PSME4: variants seen among roughly 807,000 people sequenced by gnomAD.
PSME4 encodes the protein proteasome activator subunit 4.
In PSME4, 89 loss-of-function variants were observed where a neutral mutation model predicts 253.9. The ratio of observed to expected loss-of-function variants is 0.35; its 90% CI spans 0.30 to 0.42. PSME4 has a LOEUF of 0.42. Ranked by LOEUF, PSME4 falls within the 10% of genes least tolerant of loss-of-function variation. The pLI is 1.00. For synonymous variants in PSME4, 851 were observed against 759.2 expected, an observed-to-expected ratio of 1.12 and a Z score of -1.99; for missense variants, 2,014 against 2,195.2, an observed-to-expected ratio of 0.92 and a Z score of 1.65.
chr2:53,911,595 C>G (rs905923514), intron 20 of PSME4, among the ~76,000 whole-genome samples: 7 of 152,034 alleles, frequency 4.6e-5, no homozygotes, highest in Non-Finnish European at 7.4e-5. Flanking sequence ...ACCCTCCCCC[C>G]GCCCACTGTT....
chr2:53,934,888 A>T (rs1669032253), intron 7 of PSME4, among the ~76,000 whole-genome samples, 161 bp from the exon 8 acceptor site: 1 of 152,238 alleles, frequency 6.6e-6, no homozygotes. Flanking sequence ...TATTCTTCAA[A>T]AATTACATAT....
chr2:53,937,579 G>C, intron 4 of PSME4, 39 bp from the exon 5 acceptor site: 1 of 1,582,972 alleles, frequency 6.3e-7, no homozygotes, highest in Non-Finnish European at 8.6e-7. Context: ...CTGATTATTG[G>C]CTAAAAGCTC....
intron 34 of PSME4, 23 bp downstream of exon 34, chr2:53,894,984 C>T: frequency 6.3e-7 from 1 of 1,594,622 alleles, no homozygotes; most frequent in South Asian, 1.1e-5. Context: ...TGCATTTGAA[C>T]CATGGTGAAA....
At chr2:53,931,559 G>C (rs992475812) in intron 10 of PSME4, among the ~76,000 whole-genome samples, 14 of 152,118 alleles carry the variant, frequency 9.2e-5, no homozygotes, top group Admixed American at 2.0e-4. Flanking sequence ...ATCTAAAAAG[G>C]AAGGCCAGAT....
At chr2:53,965,341 C>G (rs1354158204) in intron 1 of PSME4, among the ~76,000 whole-genome samples, 5 of 151,716 alleles carry the variant, frequency 3.3e-5, no homozygotes, top group Admixed American at 3.3e-4. Flanking sequence ...CTCTGCCTCC[C>G]AGGTTCAAGC....
In PSME4 at chr2:53,869,408, G is replaced by A. The variant is rs770477177; in HGVS notation, c.5231C>T (p.Pro1744Leu). The A allele has an allele frequency of 3.1e-6, 5 of 1,611,114 alleles. No homozygotes were observed. Among genetic ancestry groups the A allele is most frequent in the South Asian group, 1.1e-5 (1 of 90,630 alleles). Residue 1744 changes from proline (P) to leucine (L), a missense_variant, in exon 44 of 47, where the codon CCT becomes CTT. By Grantham distance (98) the Pro-to-Leu change is moderately conservative (BLOSUM62 -3). Coordinates refer to ENST00000404125, the MANE Select transcript of PSME4 (RefSeq NM_014614.3). Reference protein sequence around the residue: ...TKLPKKRKRDPGSVGDTIPSA... With the variant: ...TKLPKKRKRDLGSVGDTIPSA... ...AGGAATGGTATCTCCTACAGAACCA[G>A]GGTCTCGCTTTCTTTTCTTAGGTAG...
At chr2:53,957,609 G>C (rs1573375074) in intron 1 of PSME4, among the ~76,000 whole-genome samples, 1 of 152,180 alleles carries the variant, frequency 6.6e-6, no homozygotes, top group East Asian at 1.9e-4. Context: ...GCTCAGTACA[G>C]TTACTTACAG....
At chr2:53,960,012 C>T (rs1164103223) in intron 1 of PSME4, among the ~76,000 whole-genome samples, 1 of 152,156 alleles carries the variant, frequency 6.6e-6, no homozygotes, top group East Asian at 1.9e-4. Flanking sequence ...ATTAAGTGGT[C>T]ATTGACTTTG....
In PSME4 at chr2:53,943,252, T is replaced by G. The variant is rs146966693; in HGVS notation, c.501-3252A>C. On this transcript the variant is annotated intron_variant, in intron 3 of 46. Coordinates refer to ENST00000404125, the MANE Select transcript of PSME4 (RefSeq NM_014614.3). ...TTTGCTTTTTCATAAATGAACTGGT[T>G]TTAACTGTAATGATGGACTATTCTG... Among the ~76,000 whole-genome samples the G allele has an allele frequency of 7.2e-5, 11 of 152,362 alleles. No individual in the cohort carries two copies. In the East Asian group the frequency reaches 9.6e-4, roughly 13 times the overall value.
chr2:53,940,758 A>T (rs570504904), intron 3 of PSME4, among the ~76,000 whole-genome samples: 1 of 150,466 alleles, frequency 6.6e-6, no homozygotes, highest in South Asian at 2.1e-4. Flanking sequence ...GGAGCACTAG[A>T]TAATTTTGAG....
intron 21 of PSME4, 125 bp from the exon 22 acceptor site, chr2:53,908,965 C>T (rs1259143311): frequency 1.6e-6 from 1 of 644,406 alleles, no homozygotes; most frequent in Admixed American, 2.9e-5. Context: ...TCTGCCTTTA[C>T]CATAGTTGAA....
chr2:53,869,721 T>A (rs1558639631), intron 43 of PSME4, 183 bp from the exon 44 acceptor site: 3 of 422,080 alleles, frequency 7.1e-6, no homozygotes, highest in Admixed American at 7.7e-5. Context: ...TGTGGCCTCA[T>A]AATGGATAAA....
At chr2:53,956,311 C>T (rs1357817334) in intron 1 of PSME4, among the ~76,000 whole-genome samples, 1 of 151,782 alleles carries the variant, frequency 6.6e-6, no homozygotes, top group African/African-American at 2.4e-5. Context: ...GGAGGATCAC[C>T]TGAGGTCAGG....
At chr2:53,909,223 T>C (rs1019007269) in intron 21 of PSME4, among the ~76,000 whole-genome samples, 1 of 152,128 alleles carries the variant, frequency 6.6e-6, no homozygotes, top group Non-Finnish European at 1.5e-5. Context: ...TTCTAATTAG[T>C]TGTGGGTGAC....
At chr2:53,969,498 G>C (rs1670925510) in intron 1 of PSME4, among the ~76,000 whole-genome samples, 1 of 152,140 alleles carries the variant, frequency 6.6e-6, no homozygotes, top group South Asian at 2.1e-4. Flanking sequence ...AACACTGAAT[G>C]AGTGAGTTAT....
chr2:53,960,398 C>CAAA (rs1355944056), intron 1 of PSME4, among the ~76,000 whole-genome samples: 1 of 55,262 alleles, frequency 1.8e-5, no homozygotes, highest in African/African-American at 6.3e-5. Flanking sequence ...GACTCCATCT[C>CAAA]AAAAAAAAAA....
Position 53,949,167 on chromosome 2 carries a change from G to A in PSME4, c.359C>T (p.Ala120Val). The stretch of plus-strand genomic sequence containing the variant: ...CTTTAACAAGTTGATCAAAAGGCGG[G>A]CAAATCCCTGCATCATGCTGATTTC... ...KLEISMMQGFARLLINLLKKK... is the reference protein window; with the variant it reads ...KLEISMMQGFVRLLINLLKKK... The change falls in exon 2 of 47, where the codon GCC becomes GTC. Residue 120 changes from alanine to valine, a missense_variant. Ala to Val is a moderately conservative substitution (Grantham distance 64, BLOSUM62 0). This residue lies in a region of PSME4 where 615 missense variants were observed against 594.4 expected (regional missense o/e 1.03). Coordinates refer to ENST00000404125, the MANE Select transcript of PSME4 (RefSeq NM_014614.3). 1 of 1,602,288 alleles carries A rather than the reference G, an allele frequency of 6.2e-7. No homozygotes were observed. Among genetic ancestry groups the A allele is most frequent in the Non-Finnish European group, 8.5e-7 (1 of 1,174,292 alleles).
chr2:53,897,820 T>C (rs1326678402), intron 31 of PSME4, 50 bp downstream of exon 31: 7 of 1,573,804 alleles, frequency 4.4e-6, no homozygotes, highest in Non-Finnish European at 6.1e-6. Flanking sequence ...AGACTTCAGG[T>C]CACGTACATA....
rs988977774 is a variant in PSME4, at chr2:53,931,875, G to A, written c.1276C>T (p.Leu426Phe). 3.7e-6 allele frequency: 6 copies of A among 1,614,108 alleles called. No individual in the cohort carries two copies. Among genetic ancestry groups the A allele is most frequent in the Admixed American group, 1.7e-5 (1 of 60,008 alleles). Residue 426 changes from leucine (L) to phenylalanine (F), a missense_variant, in exon 10 of 47, where the codon CTC becomes TTC. Around this residue, in one of 4 missense-constraint regions of PSME4, gnomAD observed 615 missense variants for 594.4 expected, o/e 1.03. Coordinates refer to ENST00000404125, the MANE Select transcript of PSME4 (RefSeq NM_014614.3). ...GGTATTACCAATTCAGGTCTCATGA[G>A]TGCAAGATTCTGCAAAGCCTGGGCT... ...EAAQALQNLALMRPELVIPPV... is the reference protein window; with the variant it reads ...EAAQALQNLAFMRPELVIPPV...
Sources: allele counts gnomAD v4.1 joint callset (sites outside exome capture counted in the v4.1 genomes callset), GRCh38; gene constraint gnomAD v4.1.1; regional missense constraint gnomAD v4.1.1; transcripts MANE v1.5; gene names NCBI Gene and HGNC (gene_info 2026-07-23, HGNC 2026-07-21).